The following SYT1 variants were observed in gnomAD, a reference collection of about 807,000 sequenced individuals.
SYT1 encodes synaptotagmin-1.
SYT1 carries 8 observed loss-of-function variants against 44.8 expected under a neutral mutation model. The observed-to-expected ratio is 0.18, with a 90% CI of 0.10 to 0.32. SYT1 has a LOEUF of 0.32. SYT1 is among the 10% of genes least tolerant of loss of function. SYT1 has a pLI of 1.00. For missense variants in SYT1, 286 were observed against 509.3 expected (o/e 0.56, Z 4.22); for synonymous variants, 154 against 188.8 (o/e 0.82, Z 1.51).
intron 3 of SYT1, among the ~76,000 whole-genome samples, chr12:79,186,778 A>C (rs542573567): frequency 6.6e-6 from 1 of 152,008 alleles, no homozygotes; most frequent in Admixed American, 6.6e-5. Flanking sequence ...AAGGCCTAAG[A>C]TTTATTTTCC....
intron 4 of SYT1, among the ~76,000 whole-genome samples, chr12:79,251,857 C>T (rs1410528818): frequency 6.6e-6 from 1 of 152,038 alleles, no homozygotes; most frequent in Non-Finnish European, 1.5e-5. Flanking sequence ...CAAAACGTGT[C>T]TAATATGCTG....
intron 1 of SYT1, among the ~76,000 whole-genome samples, chr12:78,878,016 A>G (rs1874266002): frequency 1.3e-5 from 2 of 151,848 alleles, no homozygotes; most frequent in South Asian, 4.1e-4. Flanking sequence ...CAATGAATCT[A>G]GCACCAATGC....
At chr12:78,955,579 C>T (rs1246840806) in intron 1 of SYT1, 4 of 152,056 alleles carry the variant, frequency 2.6e-5, no homozygotes, top group African/African-American at 9.7e-5. Context: ...AAGCAAGCTT[C>T]TTGGCCTCTT....
intron 3 of SYT1, among the ~76,000 whole-genome samples, chr12:79,216,403 C>T (rs956779067): frequency 9.2e-5 from 14 of 152,292 alleles, no homozygotes; most frequent in African/African-American, 2.6e-4. Context: ...CCTCAGAAAG[C>T]CTGAAATCTT....
In SYT1 at chr12:78,973,939, ATATATATAT is replaced by A. The variant is rs1305267814; in HGVS notation, c.-216-3859_-216-3851del. Among the ~76,000 whole-genome samples, 65 of 11,296 alleles carry A rather than the reference ATATATATAT, an allele frequency of 5.8e-3. 2 individuals are homozygous for A. The highest frequency in any genetic ancestry group is 0.017 in the East Asian group (2 of 120). The allele number at this position is 11,296 out of a possible 152,430, so 7.4% of individuals were successfully genotyped here. On this transcript the variant is annotated intron_variant, in intron 1 of 10. Coordinates refer to ENST00000261205, the MANE Select transcript of SYT1 (RefSeq NM_005639.3). ...ACCAAAAAAAAAAAAAAAAAAAAAA[ATATATATAT>A]ATATATATATATATATATATATATA...
chr12:79,038,664 ACAGAAAACT>A (rs1873305204), intron 2 of SYT1, among the ~76,000 whole-genome samples: 1 of 151,918 alleles, frequency 6.6e-6, no homozygotes, highest in South Asian at 2.1e-4. Context: ...AGGGTCCAAG[ACAGAAAACT>A]CTGAGTTTAT....
At chr12:79,293,532 A>G (rs1248242239) in intron 6 of SYT1, among the ~76,000 whole-genome samples, 2 of 152,118 alleles carry the variant, frequency 1.3e-5, no homozygotes, top group Admixed American at 6.6e-5. Flanking sequence ...TACAGTTACT[A>G]GTAATGCAGC....
chr12:79,105,947 A>T lies in SYT1; in HGVS notation c.-18+58585A>T, dbSNP rs148881694. On this transcript the variant is annotated intron_variant, in intron 3 of 10. Transcript: ENST00000261205. ...GATAGAGACCAAAGAGAAGGACTGG[A>T]TTGAAGACATTGTAGAGGTTAACTT... is the stretch of plus-strand genomic sequence containing the variant. Among the ~76,000 whole-genome samples, 1,028 of 152,184 alleles carry T rather than the reference A, an allele frequency of 6.8e-3. 15 individuals carry two copies. Among genetic ancestry groups the T allele is most frequent in the African/African-American group, 0.024 (987 of 41,544 alleles).
rs71441941 is a variant in SYT1, at chr12:78,941,394, T to TACAC, written c.-216-36367_-216-36364dup. The stretch of plus-strand genomic sequence containing the variant: ...GCCTAGAACATTTCTTAATAGAATC[T>TACAC]ACACACACACACACACACACACACA... On this transcript the variant is annotated intron_variant, in intron 1 of 10. Transcript: ENST00000261205. Among the ~76,000 whole-genome samples the TACAC allele has an allele frequency of 7.0e-3, 1,012 of 143,798 alleles. 2 individuals carry two copies. Among genetic ancestry groups the TACAC allele is most frequent in the East Asian group, 0.028 (135 of 4,830 alleles). 94.3% of individuals were successfully genotyped at this position (143,798 alleles called of 152,430 possible).
At chr12:79,007,893 C>A (rs190780069) in intron 2 of SYT1, among the ~76,000 whole-genome samples, 3 of 152,182 alleles carry the variant, frequency 2.0e-5, no homozygotes, top group Non-Finnish European at 1.5e-5. Context: ...CCCCTTCAGT[C>A]ATTCGGCATT....
At chr12:79,330,836 C>T (rs1030467011) in intron 8 of SYT1, among the ~76,000 whole-genome samples, 1 of 152,108 alleles carries the variant, frequency 6.6e-6, no homozygotes, top group Non-Finnish European at 1.5e-5. Context: ...AAGAATATTA[C>T]CAGATCACAT....
intron 4 of SYT1, among the ~76,000 whole-genome samples, chr12:79,250,478 T>C (rs1001739517): frequency 6.6e-6 from 1 of 152,188 alleles, no homozygotes; most frequent in South Asian, 2.1e-4. Flanking sequence ...TATTTCAAAT[T>C]TGAGGGTAAT....
intron 1 of SYT1, among the ~76,000 whole-genome samples, chr12:78,902,680 C>T (rs1875729860): frequency 1.3e-5 from 2 of 151,966 alleles, no homozygotes; most frequent in Admixed American, 6.6e-5. Context: ...AATAAATATA[C>T]AAAATCAAAT....
At chr12:78,942,258 G>A (rs1284695995) in intron 1 of SYT1, among the ~76,000 whole-genome samples, 6 of 152,154 alleles carry the variant, frequency 3.9e-5, no homozygotes, top group Non-Finnish European at 8.8e-5. Context: ...TGCAGACAAT[G>A]ACTGCTTCCC....
intron 9 of SYT1, among the ~76,000 whole-genome samples, chr12:79,430,758 C>T (rs1593061512): frequency 6.6e-6 from 1 of 152,300 alleles, no homozygotes; most frequent in Non-Finnish European, 1.5e-5. Context: ...TGCACTCCAG[C>T]CTGGGCAACA....
At chr12:79,040,226 T>C (rs1158227571) in intron 2 of SYT1, among the ~76,000 whole-genome samples, 3 of 151,040 alleles carry the variant, frequency 2.0e-5, no homozygotes, top group Non-Finnish European at 3.0e-5. Context: ...TGAACTAGTT[T>C]ACAGTCCCAC....
intron 3 of SYT1, among the ~76,000 whole-genome samples, chr12:79,195,494 A>T (rs937435281): frequency 1.4e-4 from 20 of 140,704 alleles, no homozygotes; most frequent in Non-Finnish European, 2.7e-4. Flanking sequence ...ATTTGAAAAA[A>T]GAGAGGTAAC....
chr12:79,070,509 A>G (rs916536403), intron 3 of SYT1, among the ~76,000 whole-genome samples: 1 of 151,980 alleles, frequency 6.6e-6, no homozygotes, highest in African/African-American at 2.4e-5. Context: ...TTGTGAATCC[A>G]TGTTGTGGCT....
chr12:79,185,927 A>G (rs1215227137), intron 3 of SYT1, among the ~76,000 whole-genome samples: 1 of 152,034 alleles, frequency 6.6e-6, no homozygotes, highest in Non-Finnish European at 1.5e-5. Flanking sequence ...GCAGCATGTT[A>G]AGAATTTAAC....
Sources: gnomAD v4.1 joint callset for allele counts (sites outside exome capture counted in the v4.1 genomes callset) on GRCh38, gnomAD v4.1.1 for gene constraint, MANE v1.5 for transcripts, NCBI Gene and HGNC (gene_info 2026-07-23, HGNC 2026-07-21) for gene names.